ANXA3: variants seen among roughly 807,000 people sequenced by gnomAD.
The protein encoded by ANXA3 is annexin A3.
A neutral mutation model predicts 48.8 loss-of-function variants in ANXA3; 46 were observed. That is an observed-to-expected ratio of 0.94 (90% CI 0.74 to 1.21). The LOEUF (loss-of-function observed/expected upper bound fraction) is 1.21. ANXA3 is among the 50% of genes most tolerant of loss of function. The pLI, the probability that ANXA3 is intolerant of heterozygous loss-of-function variation, is 0.00. For synonymous variants in ANXA3, 128 were observed against 134.7 expected (o/e 0.95, Z 0.35); for missense variants, 383 against 378.6 (o/e 1.01, Z -0.10).
At chr4:78,591,775 G>A (rs1448693886) in intron 7 of ANXA3, 152 bp downstream of exon 7, 8 of 601,636 alleles carry the variant, frequency 1.3e-5, no homozygotes, top group Non-Finnish European at 2.4e-5. Flanking sequence ...TTGCCACCAA[G>A]CAATATAATG....
chr4:78,566,622 T>C (rs1560441596), intron 2 of ANXA3, among the ~76,000 whole-genome samples: 1 of 149,956 alleles, frequency 6.7e-6, no homozygotes, highest in Non-Finnish European at 1.5e-5. Context: ...TGGGTACACA[T>C]TGATATAGAG....
chr4:78,579,955 G>A lies in ANXA3; in HGVS notation c.198+834G>A, dbSNP rs1312062986. Among the ~76,000 whole-genome samples the A allele has an allele frequency of 2.0e-5, 3 of 152,252 alleles. No individual in the cohort carries two copies. The East Asian group carries it at 5.8e-4, about 29-fold the overall frequency. ...ACAAAATAAAAAGGAAAAAGTAAAA[G>A]TAAGACTTGGTCTTTGCTATACAGT... On this transcript the variant is annotated intron_variant, in intron 4 of 12. Transcript: ENST00000264908.
chr4:78,592,291 T>G (rs548417604), intron 7 of ANXA3, among the ~76,000 whole-genome samples: 78 of 152,316 alleles, frequency 5.1e-4, no homozygotes, highest in African/African-American at 1.6e-3. Context: ...AAACCATAGC[T>G]CACCAATTTT....
Position 78,609,956 on chromosome 4 carries a change from T to C in ANXA3, c.913-100T>C, listed in dbSNP as rs575105734. 5.6e-5 allele frequency: 45 copies of C among 797,488 alleles called. No individual in the cohort carries two copies. The South Asian group carries it at 8.3e-4, about 15-fold the overall frequency. The allele number at this position is 797,488 out of a possible 1,614,324, so 49.4% of individuals were successfully genotyped here. On this transcript the variant is annotated intron_variant, in intron 12 of 12. Coordinates refer to ENST00000264908, the MANE Select transcript of ANXA3 (RefSeq NM_005139.3). The stretch of plus-strand genomic sequence containing the variant: ...TACTAAATGGTATAGCTCATGAGTC[T>C]CACACCCAGGTGAATTCCCTAGTGC...
At chr4:78,564,466 A>G (rs1255459310) in intron 2 of ANXA3, among the ~76,000 whole-genome samples, 1 of 152,176 alleles carries the variant, frequency 6.6e-6, no homozygotes, top group Non-Finnish European at 1.5e-5. Context: ...TTACTTAGCA[A>G]ACTAATTCAC....
In ANXA3 at chr4:78,583,225, C is replaced by T. The variant is rs1723108813; in HGVS notation, c.312+935C>T. On this transcript the variant is annotated intron_variant, in intron 5 of 12. Coordinates refer to ENST00000264908, the MANE Select transcript of ANXA3 (RefSeq NM_005139.3). ...TGCATAGTAGTGCATTCCTGTAGTCCCAGCTACTTGGGAGGCTGTGGTGGG... is the reference window on the plus strand; with the variant it reads ...TGCATAGTAGTGCATTCCTGTAGTCTCAGCTACTTGGGAGGCTGTGGTGGG... Among the ~76,000 whole-genome samples, 3 of 152,198 alleles carry T rather than the reference C, an allele frequency of 2.0e-5. No individual in the cohort carries two copies. In the South Asian group the frequency reaches 6.2e-4, roughly 32 times the overall value.
chr4:78,555,674 T>TAA (rs113457974), intron 2 of ANXA3, among the ~76,000 whole-genome samples: 6 of 142,330 alleles, frequency 4.2e-5, no homozygotes, highest in African/African-American at 7.9e-5. Context: ...CCCAGTCTCT[T>TAA]AAAAAAAAAA....
intron 2 of ANXA3, among the ~76,000 whole-genome samples, chr4:78,565,245 G>A (rs964221100): frequency 2.6e-5 from 4 of 152,224 alleles, no homozygotes; most frequent in Admixed American, 6.5e-5. Context: ...CCATCCCAAA[G>A]CACAGAGATT....
At chr4:78,555,529 T>C (rs1343996600) in intron 2 of ANXA3, among the ~76,000 whole-genome samples, 1 of 152,140 alleles carries the variant, frequency 6.6e-6, no homozygotes, top group Non-Finnish European at 1.5e-5. Context: ...GAATTATAAA[T>C]GTCCAATAAC....
At chr4:78,606,169 G>T (rs372132064) in intron 12 of ANXA3, among the ~76,000 whole-genome samples, 1 of 152,188 alleles carries the variant, frequency 6.6e-6, no homozygotes, top group Non-Finnish European at 1.5e-5. Context: ...AGACCTCTCC[G>T]TCTCTTTGCT....
In ANXA3 at chr4:78,604,257, A is replaced by G. The variant is rs759757204; in HGVS notation, c.790-20A>G. The G allele has an allele frequency of 1.1e-5, 18 of 1,586,568 alleles. No homozygotes were observed. The Middle Eastern group carries it at 5.0e-4, about 45-fold the overall frequency. On this transcript the variant is annotated intron_variant, in intron 11 of 12. Transcript: ENST00000264908. ...GTGACCAATGACATTTGTGTTGTGA[A>G]CACCTGCATTCCTTAACAGGGTATT...
At chr4:78,601,204 G>A (rs763873412) in intron 10 of ANXA3, among the ~76,000 whole-genome samples, 4 of 152,210 alleles carry the variant, frequency 2.6e-5, no homozygotes, top group African/African-American at 4.8e-5. Context: ...CAGGGAAAGC[G>A]TAGGTGTTCG....
chr4:78,593,144 CA>C (rs1560449040), intron 7 of ANXA3, among the ~76,000 whole-genome samples: 192 of 151,642 alleles, frequency 1.3e-3, no homozygotes, highest in African/African-American at 4.4e-3. Context: ...CACACACACA[CA>C]CACACACCAC....
intron 3 of ANXA3, among the ~76,000 whole-genome samples, chr4:78,574,781 A>C (rs764659994): frequency 7.2e-5 from 11 of 152,224 alleles, no homozygotes; most frequent in Non-Finnish European, 2.9e-5. Context: ...AATTGCCTAC[A>C]ATTCTTTTAT....
rs757905507 is a variant in ANXA3, at chr4:78,586,307, G to A, written c.360G>A (p.Arg120=). 11 of 1,613,628 alleles carry A rather than the reference G, an allele frequency of 6.8e-6. No homozygotes were observed. The highest frequency in any genetic ancestry group is 9.3e-6 in the Non-Finnish European group (11 of 1,179,770). The change falls in exon 6 of 13, where the codon AGG becomes AGA. Residue 120 remains arginine, a synonymous_variant. Coordinates refer to ENST00000264908, the MANE Select transcript of ANXA3 (RefSeq NM_005139.3). Reference sequence around the variant, plus strand: ...CCTTGATTGAAATCTTAACTACCAGGACAAGCAGGCAAATGAAGGATATCT... The same window carrying A: ...CCTTGATTGAAATCTTAACTACCAGAACAAGCAGGCAAATGAAGGATATCT... ...EDALIEILTT[R]TSRQMKDISQ... is the part of the protein sequence containing the mutation.
At chr4:78,572,966 T>C in intron 2 of ANXA3, 1 of 649,040 alleles carries the variant, frequency 1.5e-6, no homozygotes, top group South Asian at 1.5e-5. Flanking sequence ...ACAGCCAGCC[T>C]GTGAGGCTAG....
At chr4:78,580,452 C>T (rs371537657) in intron 4 of ANXA3, among the ~76,000 whole-genome samples, 46 of 152,306 alleles carry the variant, frequency 3.0e-4, no homozygotes, top group African/African-American at 1.1e-3. Flanking sequence ...CATGCTAAGC[C>T]TTGGGTCTTG....
At chr4:78,556,635 TG>T (rs1024608467) in intron 2 of ANXA3, among the ~76,000 whole-genome samples, 6 of 152,156 alleles carry the variant, frequency 3.9e-5, no homozygotes, top group African/African-American at 1.4e-4. Context: ...TGGAAGGCTT[TG>T]TTTGGCCCAA....
At chr4:78,603,857 A>G (rs980348784) in intron 11 of ANXA3, 1 of 152,982 alleles carries the variant, frequency 6.5e-6, no homozygotes, top group Non-Finnish European at 1.5e-5. Flanking sequence ...TCCTCCCTAC[A>G]TGAACCTACT....
Sources: allele counts gnomAD v4.1 joint callset (sites outside exome capture counted in the v4.1 genomes callset), GRCh38; gene constraint gnomAD v4.1.1; transcripts MANE v1.5; gene names NCBI Gene and HGNC (gene_info 2026-07-23, HGNC 2026-07-21).